The following ABCB11 variants were observed in gnomAD, a reference collection of about 807,000 sequenced individuals.
ABCB11 encodes the protein bile salt export pump.
A neutral mutation model predicts 148.0 loss-of-function variants in ABCB11; 95 were observed. The ratio of observed to expected loss-of-function variants is 0.64; its 90% CI spans 0.54 to 0.76. The LOEUF (loss-of-function observed/expected upper bound fraction) is 0.76. Ranked by LOEUF, ABCB11 falls within the 30% of genes least tolerant of loss-of-function variation. ABCB11 has a pLI of 0.00. For synonymous variants in ABCB11, 591 were observed against 555.4 expected (o/e 1.06, Z -0.90); for missense variants, 1,523 against 1,617.8 (o/e 0.94, Z 1.01).
chr2:168,925,416 T>C (rs1189978534), intron 26 of ABCB11, among the ~76,000 whole-genome samples: 3 of 152,234 alleles, frequency 2.0e-5, no homozygotes. Flanking sequence ...ATGCCTGGCA[T>C]GGCTACATAA....
intron 21 of ABCB11, among the ~76,000 whole-genome samples, chr2:168,943,570 A>T (rs1396844895): frequency 6.6e-6 from 1 of 152,072 alleles, no homozygotes; most frequent in African/African-American, 2.4e-5. Flanking sequence ...CAGGGGAAAC[A>T]AGAAAGACTG....
rs202165855 is a variant in ABCB11, at chr2:168,976,622, T to C, written c.1263A>G (p.Glu421=). 1.2e-6 allele frequency: 2 copies of C among 1,609,694 alleles called. No individual in the cohort carries two copies. ...YKLDRIKGEI[E]FHNVTFHYPS... is the part of the protein sequence containing the mutation. ...GATAATGGAAGGTCACATTATGGAA[T>C]TCAATTTCACCCTTGATTCGATCCA... The change falls in exon 12 of 28, where the codon GAA becomes GAG. Residue 421 remains glutamate, a synonymous_variant. Coordinates refer to ENST00000650372, the MANE Select transcript of ABCB11 (RefSeq NM_003742.4).
intron 21 of ABCB11, among the ~76,000 whole-genome samples, chr2:168,938,778 C>T (rs508741): frequency 0.72 from 108,816 of 151,724 alleles, 40,746 homozygotes; most frequent in African/African-American, 0.93. Flanking sequence ...AACTTTGCAG[C>T]TCTTTGGGAT....
At chr2:169,029,722 C>CTTTTTTTT (rs1558936844) in intron 1 of ABCB11, among the ~76,000 whole-genome samples, 1 of 114,122 alleles carries the variant, frequency 8.8e-6, no homozygotes, top group African/African-American at 4.0e-5. Context: ...CAGTTCTTTC[C>CTTTTTTTT]TCTTTTTTTT....
Position 168,923,624 on chromosome 2 carries a change from A to T in ABCB11, c.3964T>A (p.Ter1322ArgextTer40), listed in dbSNP as rs1449769517. ...KLVTTGSPIS* is the reference protein window; with the variant it reads ...KLVTTGSPISR ...GTGTCTGAGATTCTTGCATTGGGTC[A>T]ACTGATGGGGGATCCAGTGGTGACT... The change falls in exon 28 of 28, where the codon TGA becomes AGA. Residue 1322 changes from the stop codon to arginine (R), a stop_lost. Coordinates refer to ENST00000650372, the MANE Select transcript of ABCB11 (RefSeq NM_003742.4). The T allele has an allele frequency of 1.2e-6, 2 of 1,613,756 alleles. No individual in the cohort carries two copies. Among genetic ancestry groups the T allele is most frequent in the South Asian group, 2.2e-5 (2 of 91,060 alleles).
At chr2:168,991,043 T>C in intron 8 of ABCB11, 118 bp from the exon 9 acceptor site, 1 of 1,212,340 alleles carries the variant, frequency 8.2e-7, no homozygotes, top group Non-Finnish European at 1.1e-6. Context: ...ATTCTCACTG[T>C]AACATCATTG....
At position 168,976,596 on chromosome 2, in the gene ABCB11, G is replaced by T. The variant is rs1407018483; in HGVS notation, c.1289C>A (p.Pro430His). 1.2e-6 allele frequency: 2 copies of T among 1,600,820 alleles called. No individual in the cohort carries two copies. Among genetic ancestry groups the T allele is most frequent in the Non-Finnish European group, 1.7e-6 (2 of 1,169,772 alleles). The change falls in exon 12 of 28, where the codon CCT (proline) becomes CAT (histidine). Residue 430 changes from proline (P) to histidine (H), a missense_variant. Coordinates refer to ENST00000650372, the MANE Select transcript of ABCB11 (RefSeq NM_003742.4). ...ACTCACCTTCACCTCTGGTCTGGAA[G>T]GATAATGGAAGGTCACATTATGGAA... ...IEFHNVTFHY[P>H]SRPEVKILND...
At chr2:168,970,441 G>A in intron 14 of ABCB11, 1 of 1,241,158 alleles carries the variant, frequency 8.1e-7, no homozygotes, top group African/African-American at 1.5e-5. Flanking sequence ...GGTTTACTGG[G>A]CTGTGTAAAT....
At chr2:168,933,345 C>T (rs1691669320) in intron 23 of ABCB11, among the ~76,000 whole-genome samples, 1 of 152,110 alleles carries the variant, frequency 6.6e-6, no homozygotes, top group African/African-American at 2.4e-5. Flanking sequence ...GATGCAATTG[C>T]CTGTCTCCTT....
Position 168,970,150 on chromosome 2 carries a change from A to C in ABCB11, c.1704T>G (p.Ala568=), listed in dbSNP as rs1411248025. Reference sequence around the variant, plus strand: ...GATTTCGGATGAGGGCTCTGGCGATAGCTACCCTTTGTTTCTGGCCACCAC... The same window carrying C: ...GATTTCGGATGAGGGCTCTGGCGATCGCTACCCTTTGTTTCTGGCCACCAC... ...QMSGGQKQRV[A]IARALIRNPK... The change falls in exon 15 of 28, where the codon GCT becomes GCG. Residue 568 remains alanine (A), a synonymous_variant. Coordinates refer to ENST00000650372, the MANE Select transcript of ABCB11 (RefSeq NM_003742.4). The C allele has an allele frequency of 6.2e-7, 1 of 1,612,958 alleles. No individual in the cohort carries two copies. Among genetic ancestry groups the C allele is most frequent in the Non-Finnish European group, 8.5e-7 (1 of 1,179,302 alleles).
chr2:168,926,358 G>A (rs1164227606), intron 26 of ABCB11, among the ~76,000 whole-genome samples: 1 of 152,164 alleles, frequency 6.6e-6, no homozygotes, highest in Non-Finnish European at 1.5e-5. Context: ...AGTAATACCA[G>A]TGGCCGCTTT....
chr2:169,023,000 G>A (rs1294742898), intron 1 of ABCB11, among the ~76,000 whole-genome samples: 2 of 152,060 alleles, frequency 1.3e-5, no homozygotes, highest in Non-Finnish European at 2.9e-5. Context: ...TTGGGGTAAT[G>A]ATCAGCAGTG....
At chr2:168,940,421 T>C (rs1421274693) in intron 21 of ABCB11, among the ~76,000 whole-genome samples, 5 of 152,118 alleles carry the variant, frequency 3.3e-5, no homozygotes. Flanking sequence ...AGATCAAACC[T>C]GCTACAACAT....
At position 169,013,420 on chromosome 2, in the gene ABCB11, G is replaced by C. The variant is rs751215078; in HGVS notation, c.241C>G (p.Leu81Val). 3.7e-6 allele frequency: 6 copies of C among 1,613,826 alleles called. No individual in the cohort carries two copies. The South Asian group carries it at 6.6e-5, about 18-fold the overall frequency. Residue 81 changes from leucine (L) to valine (V), a missense_variant, in exon 5 of 28, where the codon CTC becomes GTC. Coordinates refer to ENST00000650372, the MANE Select transcript of ABCB11 (RefSeq NM_003742.4). ...LHGIAQPGVL[L>V]IFGTMTDVFI... ...ACATCTGTCATTGTGCCAAAAATGA[G>C]TAGCACGCCTGGCTGGGCTATTCCA...
chr2:169,027,498 C>T (rs1695736573), intron 1 of ABCB11, among the ~76,000 whole-genome samples: 1 of 152,194 alleles, frequency 6.6e-6, no homozygotes, highest in East Asian at 1.9e-4. Flanking sequence ...CTGACAATTA[C>T]TGGTAAAAAC....
intron 12 of ABCB11, among the ~76,000 whole-genome samples, chr2:168,974,089 GCA>G (rs1198800945): frequency 6.6e-6 from 1 of 151,952 alleles, no homozygotes; most frequent in East Asian, 1.9e-4. Flanking sequence ...GTAAAATGAT[GCA>G]CATTAACACA....
In ABCB11 at chr2:168,921,394, G is replaced by A. The variant is rs1052437315; in HGVS notation, c.*2228C>T. ...CGTAGAGTGAGCTTGGGAGGAAGCT[G>A]GAGTAGGGAGAAAACATGATGGCAG... On this transcript the variant is annotated 3_prime_UTR_variant, in exon 28 of 28. Transcript: ENST00000650372. Among the ~76,000 whole-genome samples the A allele has an allele frequency of 1.2e-4, 19 of 152,166 alleles. No individual in the cohort carries two copies. Among genetic ancestry groups the A allele is most frequent in the Admixed American group, 1.3e-4 (2 of 15,278 alleles).
At chr2:168,920,448 C>A (rs1335167520), downstream of ABCB11, among the ~76,000 whole-genome samples, 1 of 151,792 alleles carries the variant, frequency 6.6e-6, no homozygotes, top group East Asian at 1.9e-4. Flanking sequence ...GAATTGTTAC[C>A]CTCAATTTTT....
intron 14 of ABCB11, chr2:168,970,606 T>A (rs1230743595): frequency 1.6e-5 from 5 of 319,908 alleles, no homozygotes; most frequent in African/African-American, 4.4e-5. Context: ...CAAAGGCTGT[T>A]TTTACATTAT....
Sources: gnomAD v4.1 joint callset for allele counts (sites outside exome capture counted in the v4.1 genomes callset) on GRCh38, gnomAD v4.1.1 for gene constraint, MANE v1.5 for transcripts, NCBI Gene and HGNC (gene_info 2026-07-23, HGNC 2026-07-21) for gene names.